The following DTNB variants were observed in gnomAD, a reference collection of about 807,000 sequenced individuals.
DTNB encodes DTN-B.
A neutral mutation model predicts 90.7 loss-of-function variants in DTNB; 63 were observed. The ratio of observed to expected loss-of-function variants is 0.69; its 90% CI spans 0.57 to 0.86. DTNB has a LOEUF of 0.86. Ranked by LOEUF, DTNB falls within the 40% of genes least tolerant of loss-of-function variation. The pLI, the probability that DTNB is intolerant of heterozygous loss-of-function variation, is 0.00. For missense variants in DTNB, 744 were observed against 807.1 expected, an observed-to-expected ratio of 0.92 and a Z score of 0.95; for synonymous variants, 277 against 286.7, an observed-to-expected ratio of 0.97 and a Z score of 0.34.
At chr2:25,550,651 T>C (rs376294112) in intron 8 of DTNB, among the ~76,000 whole-genome samples, 1 of 152,182 alleles carries the variant, frequency 6.6e-6, no homozygotes, top group East Asian at 1.9e-4. Flanking sequence ...TCAGACATTC[T>C]AGAATATTTT....
intron 6 of DTNB, among the ~76,000 whole-genome samples, chr2:25,581,425 T>C (rs2061533165): frequency 6.6e-6 from 1 of 152,328 alleles, no homozygotes; most frequent in African/African-American, 2.4e-5. Context: ...TTTGACAACA[T>C]CATAGAGATA....
intron 12 of DTNB, among the ~76,000 whole-genome samples, chr2:25,446,033 T>G (rs1466298447): frequency 6.6e-6 from 1 of 151,770 alleles, no homozygotes; most frequent in Non-Finnish European, 1.5e-5. Flanking sequence ...TGGCACAAAG[T>G]AAATATTCAA....
At position 25,496,458 on chromosome 2, in the gene DTNB, T is replaced by A. The variant is rs555435221; in HGVS notation, c.1002-13585A>T. On this transcript the variant is annotated intron_variant, in intron 9 of 20. Transcript: ENST00000406818. ...AAAGTCATTTCCCGACCTGTTCACA[T>A]GGTCATCAACTGAAATCTGTTTTCA... is the stretch of plus-strand genomic sequence containing the variant. Among the ~76,000 whole-genome samples the A allele has an allele frequency of 2.6e-5, 4 of 152,348 alleles. No homozygotes were observed. In the East Asian group the frequency reaches 5.8e-4, roughly 22 times the overall value.
chr2:25,497,015 C>G (rs750241845), intron 9 of DTNB, among the ~76,000 whole-genome samples: 2 of 152,178 alleles, frequency 1.3e-5, no homozygotes, highest in Non-Finnish European at 2.9e-5. Flanking sequence ...CACTCTGTAG[C>G]AAAGCCTTCT....
intron 2 of DTNB, among the ~76,000 whole-genome samples, chr2:25,646,508 TTC>T (rs2148892775): frequency 6.6e-6 from 1 of 152,154 alleles, no homozygotes; most frequent in East Asian, 1.9e-4. Context: ...TTACAACCTA[TTC>T]TCTCTTCAGC....
At chr2:25,495,447 T>C (rs1466424151) in intron 9 of DTNB, among the ~76,000 whole-genome samples, 1 of 152,188 alleles carries the variant, frequency 6.6e-6, no homozygotes, top group Non-Finnish European at 1.5e-5. Context: ...GTGAAAACAA[T>C]ATATTGTCTA....
chr2:25,438,164 G>T (rs143079426), intron 12 of DTNB, among the ~76,000 whole-genome samples: 36 of 152,212 alleles, frequency 2.4e-4, no homozygotes, highest in Non-Finnish European at 4.6e-4. Context: ...AGGAAGCTGT[G>T]GTAAGAGCGA....
chr2:25,395,537 T>C (rs968367779), intron 16 of DTNB, among the ~76,000 whole-genome samples: 3 of 149,232 alleles, frequency 2.0e-5, no homozygotes, highest in Non-Finnish European at 4.4e-5. Flanking sequence ...TAAATCACAA[T>C]ATATACATAA....
At chr2:25,612,241 A>G (rs981847449) in intron 4 of DTNB, among the ~76,000 whole-genome samples, 2 of 152,202 alleles carry the variant, frequency 1.3e-5, no homozygotes, top group African/African-American at 4.8e-5. Flanking sequence ...AGGCAGACTA[A>G]GGGGAAAAAA....
chr2:25,593,510 TTTC>T (rs1277719878), intron 6 of DTNB, among the ~76,000 whole-genome samples: 1 of 152,240 alleles, frequency 6.6e-6, no homozygotes, highest in African/African-American at 2.4e-5. Flanking sequence ...CTGAGGGTTT[TTTC>T]TTTTTTAACA....
intron 10 of DTNB, among the ~76,000 whole-genome samples, chr2:25,478,965 G>A (rs1009223240): frequency 6.6e-6 from 1 of 152,236 alleles, no homozygotes; most frequent in African/African-American, 2.4e-5. Context: ...AAGGAGGGCC[G>A]CCTGGGGGCA....
At chr2:25,614,780 A>C (rs1393385238) in intron 4 of DTNB, among the ~76,000 whole-genome samples, 4 of 152,240 alleles carry the variant, frequency 2.6e-5, no homozygotes, top group African/African-American at 9.6e-5. Context: ...AAAACAAAAC[A>C]AAACTGTTTT....
intron 6 of DTNB, among the ~76,000 whole-genome samples, chr2:25,594,173 G>T (rs2064110319): frequency 6.6e-6 from 1 of 152,192 alleles, no homozygotes; most frequent in South Asian, 2.1e-4. Flanking sequence ...CTTGTACCAG[G>T]ATTATGTTCA....
chr2:25,527,383 C>T (rs1403818540), intron 9 of DTNB, among the ~76,000 whole-genome samples: 1 of 152,026 alleles, frequency 6.6e-6, no homozygotes, highest in Non-Finnish European at 1.5e-5. Context: ...ATTAGCTGGG[C>T]GTGCTAGCGC....
intron 2 of DTNB, among the ~76,000 whole-genome samples, chr2:25,647,752 AT>A (rs1365541546): frequency 6.6e-6 from 1 of 152,018 alleles, no homozygotes; most frequent in Non-Finnish European, 1.5e-5. Context: ...ATAAAAAGAT[AT>A]TTTTAAGTAA....
At chr2:25,382,733 T>TG (rs1172910193) in intron 19 of DTNB, among the ~76,000 whole-genome samples, 5 of 152,170 alleles carry the variant, frequency 3.3e-5, no homozygotes, top group African/African-American at 4.8e-5. Context: ...TTCACCATGT[T>TG]GGCCAGGCTG....
chr2:25,513,523 A>G (rs1435608730), intron 9 of DTNB, among the ~76,000 whole-genome samples: 2 of 151,970 alleles, frequency 1.3e-5, no homozygotes, highest in East Asian at 3.9e-4. Context: ...GCAGTTTGAA[A>G]CTAGCCGGCC....
At chr2:25,519,743 A>G (rs2075810289) in intron 9 of DTNB, among the ~76,000 whole-genome samples, 1 of 152,190 alleles carries the variant, frequency 6.6e-6, no homozygotes, top group Non-Finnish European at 1.5e-5. Context: ...CTCAACCTGC[A>G]TATTTACCTG....
chr2:25,432,463 C>A (rs140794242), intron 14 of DTNB, among the ~76,000 whole-genome samples: 122 of 152,318 alleles, frequency 8.0e-4, no homozygotes, highest in African/African-American at 2.8e-3. Flanking sequence ...CAGGAAGCAT[C>A]CTTCTCCTTC....
Sources: gnomAD v4.1 joint callset for allele counts (sites outside exome capture counted in the v4.1 genomes callset) on GRCh38, gnomAD v4.1.1 for gene constraint, MANE v1.5 for transcripts, NCBI Gene and HGNC (gene_info 2026-07-23, HGNC 2026-07-21) for gene names.